MYO5B: variants seen among roughly 807,000 people sequenced by gnomAD.
MYO5B encodes unconventional myosin-Vb.
MYO5B carries 143 observed loss-of-function variants against 229.3 expected under a neutral mutation model. The observed-to-expected ratio is 0.62, with a 90% confidence interval of 0.54 to 0.72. The LOEUF (loss-of-function observed/expected upper bound fraction) is 0.72, where lower values mean the gene tolerates loss of function less well. MYO5B is among the 30% of genes least tolerant of loss of function. The pLI, the probability that MYO5B is intolerant of heterozygous loss-of-function variation, is 0.00. For synonymous variants in MYO5B, 918 were observed against 885.2 expected, an observed-to-expected ratio of 1.04 and a Z score of -0.66; for missense variants, 2,321 against 2,331.0, an observed-to-expected ratio of 1.00 and a Z score of 0.09.
At chr18:49,889,614 CT>C (rs1231383748) in intron 22 of MYO5B, among the ~76,000 whole-genome samples, 1 of 152,222 alleles carries the variant, frequency 6.6e-6, no homozygotes, top group Non-Finnish European at 1.5e-5. Context: ...CTCCTAATAT[CT>C]AGATGGCTCA....
Position 50,030,242 on chromosome 18 carries a change from G to A in MYO5B, c.455+6608C>T, listed in dbSNP as rs146882866. The stretch of plus-strand genomic sequence containing the variant: ...GTTGTCAATTCTATTTTTAATTGTC[G>A]TTTTGACCTCCAAAAATGGAAAATG... On this transcript the variant is annotated intron_variant, in intron 4 of 39. Transcript: ENST00000285039. Among the ~76,000 whole-genome samples, 3 of 152,208 alleles carry A rather than the reference G, an allele frequency of 2.0e-5. No homozygotes were observed. In the East Asian group the frequency reaches 5.8e-4, roughly 29 times the overall value.
chr18:49,860,312 A>G (rs2024313418), intron 29 of MYO5B, among the ~76,000 whole-genome samples: 3 of 152,086 alleles, frequency 2.0e-5, no homozygotes, highest in African/African-American at 7.2e-5. Flanking sequence ...GCCCTCCTAA[A>G]CCACTTCCCC....
chr18:50,122,914 A>G (rs929210910), intron 1 of MYO5B, among the ~76,000 whole-genome samples: 3 of 152,230 alleles, frequency 2.0e-5, no homozygotes, highest in African/African-American at 7.2e-5. Context: ...GCTTGATGTC[A>G]CCTGAGAAAG....
chr18:50,092,111 A>G (rs2031459711), intron 1 of MYO5B, among the ~76,000 whole-genome samples: 1 of 152,200 alleles, frequency 6.6e-6, no homozygotes, highest in South Asian at 2.1e-4. Flanking sequence ...AGAGACCAGG[A>G]AATGAAGCAG....
intron 12 of MYO5B, among the ~76,000 whole-genome samples, chr18:49,959,214 G>A (rs1346702348): frequency 6.6e-6 from 1 of 152,138 alleles, no homozygotes; most frequent in Non-Finnish European, 1.5e-5. Flanking sequence ...AGTGTTTCTG[G>A]TTCTGTGTCA....
At chr18:49,947,108 T>G (rs2025382859) in intron 14 of MYO5B, among the ~76,000 whole-genome samples, 1 of 145,924 alleles carries the variant, frequency 6.9e-6, no homozygotes, top group Non-Finnish European at 1.5e-5. Flanking sequence ...GCTCTTTTTT[T>G]TTTTTTTTTT....
intron 20 of MYO5B, among the ~76,000 whole-genome samples, chr18:49,904,163 G>A (rs1447236028): frequency 1.3e-5 from 2 of 152,226 alleles, no homozygotes; most frequent in Non-Finnish European, 2.9e-5. Context: ...TGTTGGAGAT[G>A]GAGTCTAACA....
Position 49,881,436 on chromosome 18 carries a change from G to GA in MYO5B, c.3046-982dup, listed in dbSNP as rs928050467. Among the ~76,000 whole-genome samples the GA allele has an allele frequency of 7.3e-5, 11 of 151,028 alleles. No homozygotes were observed. The East Asian group carries it at 9.7e-4, about 13-fold the overall frequency. The stretch of plus-strand genomic sequence containing the variant: ...AACCAAAATAAGGTGACTATTACCA[G>GA]AAAAAAAAGGTATAAAAGAAAAAAT... On this transcript the variant is annotated intron_variant, in intron 22 of 39. Transcript: ENST00000285039.
chr18:49,882,843 C>T (rs754286898), intron 22 of MYO5B, among the ~76,000 whole-genome samples: 10 of 152,006 alleles, frequency 6.6e-5, no homozygotes, highest in Non-Finnish European at 7.4e-5. Flanking sequence ...CTACTCTTTA[C>T]AAATTCTTCC....
chr18:49,943,879 C>A (rs2025342572), intron 14 of MYO5B, among the ~76,000 whole-genome samples: 1 of 152,100 alleles, frequency 6.6e-6, no homozygotes, highest in African/African-American at 2.4e-5. Flanking sequence ...GAAATGAAGA[C>A]AGGATTCTCT....
At chr18:49,974,249 G>A in intron 10 of MYO5B, 101 bp downstream of exon 10, 2 of 1,555,266 alleles carry the variant, frequency 1.3e-6, no homozygotes. Flanking sequence ...GCCCTAAGTT[G>A]AGAACCACCA....
At chr18:50,076,312 A>G (rs956976765) in intron 1 of MYO5B, among the ~76,000 whole-genome samples, 1 of 152,182 alleles carries the variant, frequency 6.6e-6, no homozygotes, top group African/African-American at 2.4e-5. Flanking sequence ...AGGAGGTGGC[A>G]GTGGACGATC....
At chr18:49,930,891 C>A (rs561365959) in intron 16 of MYO5B, among the ~76,000 whole-genome samples, 191 of 140,686 alleles carry the variant, frequency 1.4e-3, no homozygotes, top group Admixed American at 4.0e-3. Context: ...GACTCTGTCT[C>A]AAAAAAAAAC....
Position 49,902,838 on chromosome 18 carries a change from C to A in MYO5B, c.2572-5G>T. On this transcript the variant is annotated splice_polypyrimidine_tract_variant and splice_region_variant and intron_variant, in intron 20 of 39. Transcript: ENST00000285039. The stretch of plus-strand genomic sequence containing the variant: ...GGCCTTGTGCTCCATGAGGACCTGG[C>A]GGGAAACAAGGATACACATCTTGTG... 1.3e-6 allele frequency: 2 copies of A among 1,598,970 alleles called. No homozygotes were observed. Among genetic ancestry groups the A allele is most frequent in the Non-Finnish European group, 1.7e-6 (2 of 1,179,648 alleles).
chr18:50,155,655 C>A (rs1048038437), intron 1 of MYO5B, among the ~76,000 whole-genome samples: 21 of 152,148 alleles, frequency 1.4e-4, no homozygotes, highest in Admixed American at 1.2e-3. Context: ...ATTTCCTCTA[C>A]CAGAGTAGAT....
chr18:50,123,370 G>A (rs2032103224), intron 1 of MYO5B, among the ~76,000 whole-genome samples: 1 of 152,182 alleles, frequency 6.6e-6, no homozygotes, highest in African/African-American at 2.4e-5. Context: ...CATTGTGGAT[G>A]AACTGAATAC....
intron 23 of MYO5B, among the ~76,000 whole-genome samples, chr18:49,880,125 C>T (rs544300389): frequency 9.9e-5 from 15 of 152,278 alleles, no homozygotes; most frequent in African/African-American, 2.6e-4. Context: ...GCTTCAAGTG[C>T]GGGCCTCCCT....
intron 4 of MYO5B, among the ~76,000 whole-genome samples, chr18:50,005,481 GCT>G (rs1022286610): frequency 6.6e-6 from 1 of 152,198 alleles, no homozygotes; most frequent in Non-Finnish European, 1.5e-5. Context: ...CACAATCACA[GCT>G]CACTGCAGCC....
At position 49,824,208 on chromosome 18, in the gene MYO5B, T is replaced by G. The variant is rs1470236991; in HGVS notation, c.*2263A>C. 1 of 152,302 alleles carries G rather than the reference T, an allele frequency of 6.6e-6. No individual in the cohort carries two copies. Among genetic ancestry groups the G allele is most frequent in the Admixed American group, 6.5e-5 (1 of 15,294 alleles). The allele number at this position is 152,302 out of a possible 1,614,324, so 9.4% of individuals were successfully genotyped here. A position where few individuals can be genotyped will look rare whatever the true frequency, so the allele number is the denominator to read the frequency against. ...ATTATATAGTTCCCCTAAAGATGCT[T>G]CTTCTAGCCTCCAAGTATTAAATAA... On this transcript the variant is annotated 3_prime_UTR_variant, in exon 40 of 40. Transcript: ENST00000285039.
Sources: allele counts gnomAD v4.1 joint callset (sites outside exome capture counted in the v4.1 genomes callset), GRCh38; gene constraint gnomAD v4.1.1; transcripts MANE v1.5; gene names NCBI Gene and HGNC (gene_info 2026-07-23, HGNC 2026-07-21).